TENM3: variants seen among roughly 807,000 people sequenced by gnomAD.
TENM3 encodes the protein teneurin transmembrane protein 3.
A neutral mutation model predicts 255.1 loss-of-function variants in TENM3; 63 were observed. That is an observed-to-expected ratio of 0.25 (90% CI 0.20 to 0.30). TENM3 has a LOEUF of 0.30. TENM3 is among the 10% of genes least tolerant of loss of function. The pLI, the probability that TENM3 is intolerant of heterozygous loss-of-function variation, is 1.00. For synonymous variants in TENM3, 1,306 were observed against 1,322.3 expected (o/e 0.99, Z 0.27); for missense variants, 2,929 against 3,461.1 (o/e 0.85, Z 3.86).
chr4:182,166,913 T>C (rs1751760955), intron 1 of TENM3, among the ~76,000 whole-genome samples: 1 of 152,184 alleles, frequency 6.6e-6, no homozygotes, highest in South Asian at 2.1e-4. Flanking sequence ...CATAAAGGTA[T>C]AAAGAGAAGA....
chr4:182,503,067 A>G (rs1272206699), intron 3 of TENM3, among the ~76,000 whole-genome samples: 1 of 152,068 alleles, frequency 6.6e-6, no homozygotes, highest in African/African-American at 2.4e-5. Flanking sequence ...AAAGGGAATT[A>G]TTGGTTCAAC....
chr4:182,253,722 C>G (rs1385867319), intron 1 of TENM3, among the ~76,000 whole-genome samples: 3 of 152,118 alleles, frequency 2.0e-5, no homozygotes, highest in East Asian at 3.9e-4. Flanking sequence ...TAAATTGAAG[C>G]AAACTTTTAT....
At chr4:182,229,316 A>C (rs1356757045) in intron 1 of TENM3, among the ~76,000 whole-genome samples, 1 of 152,180 alleles carries the variant, frequency 6.6e-6, no homozygotes, top group Non-Finnish European at 1.5e-5. Flanking sequence ...TGCTTATGCT[A>C]TAAAAATGTT....
the TENM3 span, among the ~76,000 whole-genome samples, chr4:181,776,230 C>T: frequency 6.6e-6 from 1 of 152,044 alleles, no homozygotes; most frequent in South Asian, 2.1e-4. Context: ...TAATTCCATC[C>T]ACGTCGCTGT....
intron 3 of TENM3, among the ~76,000 whole-genome samples, chr4:182,555,397 A>G (rs1424556101): frequency 6.6e-6 from 1 of 152,216 alleles, no homozygotes; most frequent in Non-Finnish European, 1.5e-5. Flanking sequence ...ATGTTAGTAT[A>G]ATTGTGAAAA....
chr4:181,888,591 C>CGTGT, the TENM3 span, among the ~76,000 whole-genome samples: 585 of 90,162 alleles, frequency 6.5e-3, 9 homozygotes, highest in East Asian at 0.015. Flanking sequence ...TATATATATG[C>CGTGT]GTGTGTGTGT....
At chr4:182,336,273 T>C (rs191730057) in intron 2 of TENM3, among the ~76,000 whole-genome samples, 183 of 152,262 alleles carry the variant, frequency 1.2e-3, no homozygotes, top group African/African-American at 4.0e-3. Context: ...CTGATTCTTA[T>C]CAACTTCTAA....
chr4:182,021,316 T>C, the TENM3 span, among the ~76,000 whole-genome samples: 1 of 152,130 alleles, frequency 6.6e-6, no homozygotes, highest in African/African-American at 2.4e-5. Context: ...TTATTCAATC[T>C]ACTGGGCACC....
the TENM3 span, among the ~76,000 whole-genome samples, chr4:181,499,223 G>A: frequency 2.6e-5 from 4 of 152,282 alleles, no homozygotes; most frequent in African/African-American, 7.2e-5. Context: ...TGCTTCCCAC[G>A]TGACTGACAG....
chr4:182,543,830 G>A (rs959785320), intron 3 of TENM3, among the ~76,000 whole-genome samples: 8 of 151,704 alleles, frequency 5.3e-5, no homozygotes, highest in Admixed American at 3.9e-4. Flanking sequence ...TAGGATAGTC[G>A]GATATGAATC....
intron 6 of TENM3, among the ~76,000 whole-genome samples, chr4:182,657,387 A>G (rs1204272349): frequency 6.6e-6 from 1 of 151,916 alleles, no homozygotes; most frequent in South Asian, 2.1e-4. Flanking sequence ...TTGCAAGGGG[A>G]GCTCTCATTT....
chr4:182,145,517 T>C (rs1467462477), intron 1 of TENM3, among the ~76,000 whole-genome samples: 7 of 152,232 alleles, frequency 4.6e-5, no homozygotes, highest in Admixed American at 3.3e-4. Flanking sequence ...TGATCTTTGC[T>C]GAGCATCTTA....
At chr4:181,557,890 C>A in the TENM3 span, among the ~76,000 whole-genome samples, 3 of 152,148 alleles carry the variant, frequency 2.0e-5, no homozygotes, top group African/African-American at 7.2e-5. Flanking sequence ...AAAGATATCC[C>A]TAGATTTCCA....
chr4:182,124,033 ATTTG>A, the TENM3 span, among the ~76,000 whole-genome samples: 4 of 151,982 alleles, frequency 2.6e-5, no homozygotes, highest in African/African-American at 7.2e-5. Context: ...CTACCCATTT[ATTTG>A]TTTATTTATT....
the TENM3 span, among the ~76,000 whole-genome samples, chr4:181,647,647 G>C: frequency 6.6e-6 from 1 of 152,132 alleles, no homozygotes; most frequent in Non-Finnish European, 1.5e-5. Context: ...GCTGTGAAGG[G>C]GGAGTCACTC....
At chr4:181,618,097 C>T in the TENM3 span, among the ~76,000 whole-genome samples, 2,092 of 152,274 alleles carry the variant, frequency 0.014, 21 homozygotes, top group Non-Finnish European at 0.022. Flanking sequence ...TTGCAGTCAA[C>T]GGCTCAGGTT....
At chr4:181,473,833 C>G in the TENM3 span, among the ~76,000 whole-genome samples, 1 of 62,522 alleles carries the variant, frequency 1.6e-5, no homozygotes, top group Admixed American at 2.4e-4. Context: ...TATATGTATA[C>G]TGTATATATA....
At chr4:181,888,968 T>C in the TENM3 span, among the ~76,000 whole-genome samples, 1 of 151,940 alleles carries the variant, frequency 6.6e-6, no homozygotes. Context: ...CAGTTCACGA[T>C]TCAAATGTTG....
intron 3 of TENM3, among the ~76,000 whole-genome samples, chr4:182,395,643 C>T (rs544579354): frequency 5.3e-5 from 8 of 151,898 alleles, no homozygotes; most frequent in South Asian, 2.1e-4. Flanking sequence ...TCAAGAGACC[C>T]GGAGTCTTGA....
Sources: allele counts gnomAD v4.1 joint callset (sites outside exome capture counted in the v4.1 genomes callset), GRCh38; gene constraint gnomAD v4.1.1; transcripts MANE v1.5; gene names NCBI Gene and HGNC (gene_info 2026-07-23, HGNC 2026-07-21).